The following CREB5 variants were observed in gnomAD, a reference collection of about 807,000 sequenced individuals.
CREB5 encodes the protein cAMP responsive element binding protein 5.
In CREB5, 19 loss-of-function variants were observed where a neutral mutation model predicts 57.1. The observed-to-expected ratio is 0.33, with a 90% CI of 0.23 to 0.49. The LOEUF (loss-of-function observed/expected upper bound fraction) is 0.49, where lower values mean the gene tolerates loss of function less well. Ranked by LOEUF, CREB5 falls within the 20% of genes least tolerant of loss-of-function variation. The pLI, the probability that CREB5 is intolerant of heterozygous loss-of-function variation, is 0.99. For synonymous variants in CREB5, 238 were observed against 238.3 expected (o/e 1.00, Z 0.01); for missense variants, 579 against 671.6 (o/e 0.86, Z 1.52).
chr7:28,808,762 T>C (rs1373878885), intron 8 of CREB5, among the ~76,000 whole-genome samples: 2 of 148,132 alleles, frequency 1.4e-5, no homozygotes, highest in African/African-American at 5.0e-5. Context: ...GGTCTTGCTA[T>C]GTTACCTAGG....
chr7:28,655,862 G>A (rs183964185), intron 5 of CREB5, among the ~76,000 whole-genome samples: 112 of 152,116 alleles, frequency 7.4e-4, no homozygotes, highest in African/African-American at 2.6e-3. Flanking sequence ...TGCAGATTGG[G>A]GAAACTCTAA....
chr7:28,557,590 A>C (rs1477211090), intron 4 of CREB5, among the ~76,000 whole-genome samples: 4 of 152,200 alleles, frequency 2.6e-5, no homozygotes, highest in African/African-American at 9.7e-5. Flanking sequence ...AGATTAAATA[A>C]GGGTGAAATT....
chr7:28,457,961 A>G (rs952036876), intron 1 of CREB5, among the ~76,000 whole-genome samples: 11 of 152,250 alleles, frequency 7.2e-5, no homozygotes, highest in African/African-American at 2.4e-4. Flanking sequence ...CTGTCGCCTT[A>G]GATTTCTTGT....
intron 9 of CREB5, among the ~76,000 whole-genome samples, chr7:28,814,583 G>A (rs1562660192): frequency 6.6e-6 from 1 of 152,154 alleles, no homozygotes; most frequent in Non-Finnish European, 1.5e-5. Context: ...ATGAATAAAA[G>A]TCAAGATGGA....
intron 5 of CREB5, among the ~76,000 whole-genome samples, chr7:28,591,022 T>C (rs542506192): frequency 1.3e-5 from 2 of 152,306 alleles, no homozygotes; most frequent in East Asian, 3.9e-4. Context: ...TCAATGAACT[T>C]TTGAGGAAAT....
At chr7:28,537,018 G>T (rs1041874950) in intron 4 of CREB5, among the ~76,000 whole-genome samples, 1 of 152,164 alleles carries the variant, frequency 6.6e-6, no homozygotes, top group African/African-American at 2.4e-5. Context: ...TACCACAATT[G>T]TGCTGGAAGC....
At chr7:28,328,433 G>T (rs1402942345) in intron 1 of CREB5, among the ~76,000 whole-genome samples, 1 of 152,186 alleles carries the variant, frequency 6.6e-6, no homozygotes, top group African/African-American at 2.4e-5. Flanking sequence ...TCTTTGGCAA[G>T]AGAAAAGCCT....
Position 28,535,004 on chromosome 7 carries a change from G to T in CREB5, c.291+27267G>T, listed in dbSNP as rs1459681774. On this transcript the variant is annotated intron_variant, in intron 4 of 10. Coordinates refer to ENST00000357727, the MANE Select transcript of CREB5 (RefSeq NM_182898.4). ...GAAATGTACTCATCCTTGGCCATGT[G>T]TTTCTTACCTGAGGGCTTGCGGACT... is the stretch of plus-strand genomic sequence containing the variant. Among the ~76,000 whole-genome samples, 2 of 141,536 alleles carry T rather than the reference G, an allele frequency of 1.4e-5. 1 individual carries two copies. Among genetic ancestry groups the T allele is most frequent in the Non-Finnish European group, 3.2e-5 (2 of 63,106 alleles). 92.9% of individuals were successfully genotyped at this position (141,536 alleles called of 152,430 possible). A position where few individuals can be genotyped will look rare whatever the true frequency, so the allele number is the denominator to read the frequency against.
chr7:28,445,703 C>A (rs973309823), intron 1 of CREB5, among the ~76,000 whole-genome samples: 1 of 152,068 alleles, frequency 6.6e-6, no homozygotes, highest in Non-Finnish European at 1.5e-5. Flanking sequence ...AGGCGCCCGC[C>A]ACCACGCCTG....
intron 1 of CREB5, among the ~76,000 whole-genome samples, chr7:28,352,819 A>G (rs972771678): frequency 6.6e-6 from 1 of 152,210 alleles, no homozygotes; most frequent in African/African-American, 2.4e-5. Flanking sequence ...TTTTACAGAC[A>G]AAGAAACTGA....
intron 4 of CREB5, among the ~76,000 whole-genome samples, chr7:28,527,035 T>C (rs560959402): frequency 6.6e-6 from 1 of 152,286 alleles, no homozygotes; most frequent in Admixed American, 6.5e-5. Flanking sequence ...AACCTTGACT[T>C]TTCCATTGTG....
At chr7:28,587,916 C>T (rs1796360069) in intron 5 of CREB5, among the ~76,000 whole-genome samples, 1 of 152,172 alleles carries the variant, frequency 6.6e-6, no homozygotes, top group Non-Finnish European at 1.5e-5. Flanking sequence ...TTCCTGACTG[C>T]TTTTCTACCA....
intron 5 of CREB5, among the ~76,000 whole-genome samples, chr7:28,712,547 T>TATTATTATTATTATTATTATTA (rs1190814066): frequency 1.1e-4 from 17 of 150,222 alleles, no homozygotes; most frequent in East Asian, 1.9e-4. Context: ...TTATTATTAT[T>TATTATTATTATTATTATTATTA]TTCTGAGATG....
chr7:28,442,110 T>C (rs976150634), intron 1 of CREB5, among the ~76,000 whole-genome samples: 5 of 152,142 alleles, frequency 3.3e-5, no homozygotes, highest in African/African-American at 1.2e-4. Flanking sequence ...CAGCCTCTAA[T>C]ACTCACAATT....
chr7:28,584,710 G>C (rs1796246660), intron 5 of CREB5, among the ~76,000 whole-genome samples: 1 of 151,844 alleles, frequency 6.6e-6, no homozygotes, highest in African/African-American at 2.4e-5. Context: ...TGTGACTGCA[G>C]CCCTAGAAAA....
At chr7:28,651,740 G>T (rs1196776506) in intron 5 of CREB5, among the ~76,000 whole-genome samples, 1 of 152,126 alleles carries the variant, frequency 6.6e-6, no homozygotes, top group Non-Finnish European at 1.5e-5. Context: ...TCAAGGTGCT[G>T]TTTTGCATTC....
rs538751784 is a variant in CREB5, at chr7:28,710,607, G to A, written c.465-8146G>A. Among the ~76,000 whole-genome samples, 8 of 152,244 alleles carry A rather than the reference G, an allele frequency of 5.3e-5. No homozygotes were observed. The South Asian group carries it at 1.2e-3, about 24-fold the overall frequency. On this transcript the variant is annotated intron_variant, in intron 5 of 10. Transcript: ENST00000357727. ...GTTTTAAGCCCACCTGGGCACCATA[G>A]CAAGACCCCATCTCTAAAAATTAAA...
At chr7:28,790,571 C>T (rs1807641062) in intron 7 of CREB5, among the ~76,000 whole-genome samples, 1 of 152,170 alleles carries the variant, frequency 6.6e-6, no homozygotes, top group Admixed American at 6.5e-5. Flanking sequence ...AACAATCCCT[C>T]CTCTACTTTG....
At chr7:28,409,801 C>A, upstream of CREB5, 1 of 446,170 alleles carries the variant, frequency 2.2e-6, no homozygotes, top group Non-Finnish European at 4.5e-6. This position sits in a 1 kb window ranked among gnomAD's most constrained non-coding sequence, Gnocchi z 4.4. Flanking sequence ...GTGGAGCCGG[C>A]GCCGAGTCCG....
Sources: allele counts gnomAD v4.1 joint callset (sites outside exome capture counted in the v4.1 genomes callset), GRCh38; gene constraint gnomAD v4.1.1; non-coding constraint Gnocchi (gnomAD v3.1); transcripts MANE v1.5; gene names NCBI Gene and HGNC (gene_info 2026-07-23, HGNC 2026-07-21).